Variants in CACNA1E observed in about 807,000 individuals in gnomAD.
CACNA1E encodes the protein calcium voltage-gated channel subunit alpha1 E, also known as voltage-dependent R-type calcium channel subunit alpha-1E.
CACNA1E carries 40 observed loss-of-function variants against 259.2 expected under a neutral mutation model. That is an observed-to-expected ratio of 0.15 (90% CI 0.12 to 0.20). The LOEUF is 0.20. Among genes scored for constraint, CACNA1E ranks in the 10% least tolerant of loss-of-function variants. The pLI is 1.00. For synonymous variants in CACNA1E, 1,104 were observed against 1,138.5 expected (o/e 0.97, Z 0.61); for missense variants, 1,874 against 3,040.1 (o/e 0.62, Z 9.02).
At chr1:181,616,075 T>G (rs527370718) in intron 6 of CACNA1E, among the ~76,000 whole-genome samples, 18 of 152,360 alleles carry the variant, frequency 1.2e-4, no homozygotes, top group African/African-American at 4.3e-4. Context: ...ACCTTTGTTG[T>G]GATATGTTTT....
At chr1:181,690,984 T>C (rs1450368197) in intron 7 of CACNA1E, among the ~76,000 whole-genome samples, 2 of 152,122 alleles carry the variant, frequency 1.3e-5, no homozygotes, top group African/African-American at 4.8e-5. Context: ...CTATCCTGCT[T>C]TTATATGCAT....
At chr1:181,400,726 GCTCT>G (rs1557972965) in intron 1 of CACNA1E, among the ~76,000 whole-genome samples, 1 of 151,826 alleles carries the variant, frequency 6.6e-6, no homozygotes, top group South Asian at 2.1e-4. Flanking sequence ...GCCATCACGG[GCTCT>G]CTCTCTCTGC....
intron 7 of CACNA1E, among the ~76,000 whole-genome samples, chr1:181,701,327 C>T (rs1053416473): frequency 6.6e-6 from 1 of 152,144 alleles, no homozygotes; most frequent in African/African-American, 2.4e-5. Flanking sequence ...AGAACACAGC[C>T]ATTTGTTCTG....
At chr1:181,729,372 G>A (rs1487464809) in intron 18 of CACNA1E, among the ~76,000 whole-genome samples, 1 of 152,234 alleles carries the variant, frequency 6.6e-6, no homozygotes, top group Non-Finnish European at 1.5e-5. Flanking sequence ...TATATGCCTT[G>A]CTCAGGTGTT....
intron 3 of CACNA1E, among the ~76,000 whole-genome samples, chr1:181,546,086 A>G (rs2102810781): frequency 6.6e-6 from 1 of 152,186 alleles, no homozygotes; most frequent in African/African-American, 2.4e-5. Flanking sequence ...CTGCCCCGAC[A>G]GTCTTGTAAA....
At chr1:181,683,400 G>T (rs1404025076) in intron 7 of CACNA1E, among the ~76,000 whole-genome samples, 1 of 152,066 alleles carries the variant, frequency 6.6e-6, no homozygotes, top group Non-Finnish European at 1.5e-5. Flanking sequence ...TCTTATGCTT[G>T]GGTTTAAGAG....
intron 1 of CACNA1E, among the ~76,000 whole-genome samples, chr1:181,397,480 T>C (rs994122770): frequency 3.3e-5 from 5 of 152,176 alleles, no homozygotes; most frequent in Admixed American, 6.5e-5. Flanking sequence ...TTTGTATTTT[T>C]AGTAGAGACG....
chr1:181,641,703 G>GTTTTTTTTCTTTTTTTT, intron 6 of CACNA1E, among the ~76,000 whole-genome samples: 1 of 81,116 alleles, frequency 1.2e-5, no homozygotes, highest in Non-Finnish European at 2.5e-5. Flanking sequence ...CTAATTTTTT[G>GTTTTTTTTCTTTTTTTT]TTTTTTTTTT....
intron 3 of CACNA1E, among the ~76,000 whole-genome samples, chr1:181,575,510 T>G (rs1430474227): frequency 1.3e-5 from 2 of 152,226 alleles, no homozygotes; most frequent in Non-Finnish European, 2.9e-5. Context: ...TATCATCTTA[T>G]TCTTCTTTCC....
chr1:181,364,741 G>A (rs1047636116), intron 1 of CACNA1E, among the ~76,000 whole-genome samples: 5 of 152,214 alleles, frequency 3.3e-5, no homozygotes, highest in Non-Finnish European at 7.3e-5. Flanking sequence ...ATACAATACA[G>A]TGTGGTTCTG....
intron 6 of CACNA1E, among the ~76,000 whole-genome samples, chr1:181,642,652 A>G (rs7521185): frequency 0.2 from 30,598 of 152,062 alleles, 3,304 homozygotes; most frequent in South Asian, 0.28. Flanking sequence ...GGGGTGATGC[A>G]CTTTAGCTCA....
At chr1:181,686,807 T>C (rs1650630179) in intron 7 of CACNA1E, among the ~76,000 whole-genome samples, 1 of 152,176 alleles carries the variant, frequency 6.6e-6, no homozygotes, top group African/African-American at 2.4e-5. Flanking sequence ...AGCACCTTCA[T>C]GTGAAGAGTT....
Position 181,799,598 on chromosome 1 carries a change from G to A in CACNA1E, c.*764G>A, listed in dbSNP as rs146187719. 1.3e-5 allele frequency: 2 copies of A among 152,676 alleles called. No homozygotes were observed. Among genetic ancestry groups the A allele is most frequent in the Non-Finnish European group, 2.9e-5 (2 of 68,158 alleles). The allele number at this position is 152,676 out of a possible 1,614,324, so 9.5% of individuals were successfully genotyped here. A position where few individuals can be genotyped will look rare whatever the true frequency, so the allele number is the denominator to read the frequency against. ...CAGTAGGTGCTGAGAGTTAGGACAGGTCAGGAAGTCCCCCAGGGTCCACAA... is the reference window on the plus strand; with the variant it reads ...CAGTAGGTGCTGAGAGTTAGGACAGATCAGGAAGTCCCCCAGGGTCCACAA... On this transcript the variant is annotated 3_prime_UTR_variant, in exon 48 of 48. Transcript: ENST00000367573.
At chr1:181,516,570 C>T (rs1666601850) in intron 3 of CACNA1E, among the ~76,000 whole-genome samples, 1 of 152,176 alleles carries the variant, frequency 6.6e-6, no homozygotes, top group African/African-American at 2.4e-5. Context: ...GGGCACCTTC[C>T]CTAGGCCAAG....
intron 1 of CACNA1E, among the ~76,000 whole-genome samples, chr1:181,502,452 G>A (rs1292109113): frequency 1.3e-5 from 2 of 152,138 alleles, no homozygotes; most frequent in Non-Finnish European, 2.9e-5. Flanking sequence ...AGGAGTGAGT[G>A]CAAAGAAGTC....
intron 6 of CACNA1E, among the ~76,000 whole-genome samples, chr1:181,633,479 T>G (rs1288624128): frequency 6.6e-6 from 1 of 152,062 alleles, no homozygotes; most frequent in African/African-American, 2.4e-5. Flanking sequence ...GAATTATTAA[T>G]AACTGTCAGA....
chr1:181,723,944 G>C (rs753399025), intron 16 of CACNA1E, among the ~76,000 whole-genome samples: 44 of 152,150 alleles, frequency 2.9e-4, no homozygotes, highest in Non-Finnish European at 2.8e-4. Context: ...ACATAGGCAT[G>C]ATTGATTAAG....
chr1:181,773,118 A>G (rs1572860656), intron 37 of CACNA1E, among the ~76,000 whole-genome samples: 1 of 152,252 alleles, frequency 6.6e-6, no homozygotes, highest in South Asian at 2.1e-4. Context: ...TTTCATGGCC[A>G]TGCATCAAAA....
rs190168910 is a variant in CACNA1E at position 181,547,837 on chromosome 1, C to T, written c.513-29929C>T. ...ATTTTATCAGAATATAACACTGCCT[C>T]GTTTGCTAATTACCTCATACATAGA... On this transcript the variant is annotated intron_variant, in intron 3 of 47. Transcript: ENST00000367573. Among the ~76,000 whole-genome samples, 10 of 152,320 alleles carry T rather than the reference C, an allele frequency of 6.6e-5. No homozygotes were observed. The East Asian group carries it at 1.5e-3, about 23-fold the overall frequency.
Sources: allele counts gnomAD v4.1 joint callset (sites outside exome capture counted in the v4.1 genomes callset), GRCh38; gene constraint gnomAD v4.1.1; transcripts MANE v1.5; gene names NCBI Gene and HGNC (gene_info 2026-07-23, HGNC 2026-07-21).